ME1: variants seen among roughly 807,000 people sequenced by gnomAD.
ME1 encodes NADP-dependent malic enzyme.
Under a neutral mutation model 66.4 loss-of-function variants are expected in ME1, and 74 were observed. That is an observed-to-expected ratio of 1.11 (90% confidence interval 0.92 to 1.35). ME1 has a LOEUF of 1.35. Among genes scored for constraint, ME1 ranks in the 40% most tolerant of loss-of-function variants. ME1 has a pLI of 0.00. For missense variants in ME1, 750 were observed against 694.1 expected (o/e 1.08, Z -0.90); for synonymous variants, 251 against 235.6 (o/e 1.07, Z -0.60).
intron 6 of ME1, among the ~76,000 whole-genome samples, chr6:83,265,264 C>G (rs1201718449): frequency 6.6e-6 from 1 of 152,038 alleles, no homozygotes; most frequent in African/African-American, 2.4e-5. Flanking sequence ...TAGTATCCTA[C>G]AGTATAGTGT....
At chr6:83,300,610 C>CTTTTTTTTTTTTTTTTTTTTTTTTTT (rs35205380) in intron 6 of ME1, among the ~76,000 whole-genome samples, 2 of 84,990 alleles carry the variant, frequency 2.4e-5, no homozygotes, top group Admixed American at 1.5e-4. Context: ...TTCTTTCTTT[C>CTTTTTTTTTTTTTTTTTTTTTTTTTT]TTTTTTTTTT....
chr6:83,367,733 G>A (rs1346444610), intron 3 of ME1, among the ~76,000 whole-genome samples: 1 of 152,142 alleles, frequency 6.6e-6, no homozygotes, highest in Non-Finnish European at 1.5e-5. Flanking sequence ...TGGCTTAAAG[G>A]GAATGTTGTG....
intron 6 of ME1, 68 bp from the exon 7 acceptor site, chr6:83,253,806 T>C: frequency 1.3e-6 from 1 of 791,394 alleles, no homozygotes. Flanking sequence ...ACTTTTAAAA[T>C]TAGCCCATAG....
intron 3 of ME1, chr6:83,392,873 C>T (rs1769651353): frequency 2.6e-6 from 2 of 783,490 alleles, no homozygotes. Flanking sequence ...CCTCCTGCAC[C>T]ACCAGCTGCT....
intron 3 of ME1, among the ~76,000 whole-genome samples, chr6:83,373,317 C>G (rs767822788): frequency 6.6e-6 from 1 of 152,004 alleles, no homozygotes; most frequent in Non-Finnish European, 1.5e-5. Context: ...CTCACTGCAA[C>G]CCGTACCTCC....
rs1768921889 is a variant in ME1 at position 83,357,902 on chromosome 6, C to CTCT, written c.363-5764_363-5763insAGA. On this transcript the variant is annotated intron_variant, in intron 3 of 13. Transcript: ENST00000369705. ...TGTTAGTTAATACTTAATAAACTCCCCTCTCTCTCTCTCTCTCTCTCTCTC... is the reference window on the plus strand; with the variant it reads ...TGTTAGTTAATACTTAATAAACTCCCTCTCTCTCTCTCTCTCTCTCTCTCTCTC... 7.3e-4 allele frequency among the ~76,000 whole-genome samples: 23 copies of CTCT among 31,546 alleles called. 1 individual carries two copies. The highest frequency in any genetic ancestry group is 1.2e-3 in the East Asian group (1 of 804). The allele number at this position is 31,546 out of a possible 152,430, so 20.7% of individuals were successfully genotyped here.
intron 7 of ME1, among the ~76,000 whole-genome samples, chr6:83,249,266 G>A (rs1790679120): frequency 6.7e-6 from 1 of 150,110 alleles, no homozygotes; most frequent in Non-Finnish European, 1.5e-5. Context: ...TTTTTGAGAT[G>A]GAGTCTCACT....
At chr6:83,345,551 A>G (rs1160265838) in intron 5 of ME1, among the ~76,000 whole-genome samples, 1 of 152,306 alleles carries the variant, frequency 6.6e-6, no homozygotes, top group African/African-American at 2.4e-5. Context: ...TCTGTTTGGG[A>G]CCTAGGTCTG....
intron 7 of ME1, among the ~76,000 whole-genome samples, chr6:83,247,747 G>A (rs143260177): frequency 7.9e-5 from 12 of 152,202 alleles, no homozygotes; most frequent in East Asian, 1.9e-4. Context: ...ATAAGGGCAC[G>A]ATTTTGCATG....
At chr6:83,377,205 G>A (rs1227219105) in intron 3 of ME1, among the ~76,000 whole-genome samples, 1 of 152,198 alleles carries the variant, frequency 6.6e-6, no homozygotes, top group Non-Finnish European at 1.5e-5. Context: ...TGATGATTAT[G>A]ATGATGGGGT....
In ME1 at chr6:83,243,434, TATAATATATTATATAATTA is replaced by T. The variant is rs1790545764; in HGVS notation, c.815-3817_815-3799del. 3.9e-5 allele frequency among the ~76,000 whole-genome samples: 5 copies of T among 127,256 alleles called. No individual in the cohort carries two copies. In the South Asian group the frequency reaches 1.1e-3, roughly 28 times the overall value. 83.5% of individuals were successfully genotyped at this position (127,256 alleles called of 152,430 possible). On this transcript the variant is annotated intron_variant, in intron 7 of 13. Transcript: ENST00000369705. ...TAATTAGATTATATTTATATATTTA[TATAATATATTATATAATTA>T]GATTATATTTATATATTTATATAAT... is the stretch of plus-strand genomic sequence containing the variant.
chr6:83,270,851 T>C (rs1767070293), intron 6 of ME1, among the ~76,000 whole-genome samples: 1 of 152,106 alleles, frequency 6.6e-6, no homozygotes, highest in Non-Finnish European at 1.5e-5. Flanking sequence ...TCTAAGTTGT[T>C]CAACAGTTTA....
intron 6 of ME1, among the ~76,000 whole-genome samples, chr6:83,295,343 A>T (rs1398564295): frequency 6.6e-6 from 1 of 152,220 alleles, no homozygotes; most frequent in Non-Finnish European, 1.5e-5. Flanking sequence ...AACTTGAGCA[A>T]CTCAAATGGC....
intron 12 of ME1, 139 bp downstream of exon 12, chr6:83,223,621 T>C: frequency 1.4e-6 from 1 of 720,326 alleles, no homozygotes; most frequent in East Asian, 2.7e-5. Flanking sequence ...CCACCCCTTA[T>C]ACTCCACTGG....
intron 5 of ME1, among the ~76,000 whole-genome samples, chr6:83,328,491 C>A (rs997608881): frequency 2.0e-5 from 3 of 151,950 alleles, no homozygotes; most frequent in African/African-American, 7.3e-5. Flanking sequence ...ATAATAATGT[C>A]CCTGTTAAAA....
intron 6 of ME1, among the ~76,000 whole-genome samples, chr6:83,305,204 G>A (rs1583369343): frequency 1.3e-5 from 2 of 152,148 alleles, no homozygotes; most frequent in East Asian, 3.9e-4. Context: ...TATCTACTCT[G>A]TGCCAAGCAT....
rs141950684 is a variant in ME1, at chr6:83,294,722, C to T, written c.704+20588G>A. Among the ~76,000 whole-genome samples the T allele has an allele frequency of 5.3e-4, 81 of 152,250 alleles. 1 individual carries two copies. The East Asian group carries it at 0.014, about 27-fold the overall frequency. Reference sequence around the variant, plus strand: ...CCACATCTCCAGCAAGCTGCAGTTACCCCAAGGAGGGGAGGCCAATCTGTC... The same window carrying T: ...CCACATCTCCAGCAAGCTGCAGTTATCCCAAGGAGGGGAGGCCAATCTGTC... On this transcript the variant is annotated intron_variant, in intron 6 of 13. Coordinates refer to ENST00000369705, the MANE Select transcript of ME1 (RefSeq NM_002395.6).
At position 83,352,156 on chromosome 6, in the gene ME1, A is replaced by AG; in HGVS notation, c.363-18_363-17insC. 6.7e-7 allele frequency: 1 copy of AG among 1,502,716 alleles called. No individual in the cohort carries two copies. The highest frequency in any genetic ancestry group is 8.9e-7 in the Non-Finnish European group (1 of 1,125,586). The allele number at this position is 1,502,716 out of a possible 1,614,324, so 93.1% of individuals were successfully genotyped here. A position where few individuals can be genotyped will look rare whatever the true frequency, so the allele number is the denominator to read the frequency against. The stretch of plus-strand genomic sequence containing the variant: ...AAGAGACCTCTGCAGAAAAAAAAAA[A>AG]AAAAAAGGAGTAGTTTACATTTACT... On this transcript the variant is annotated splice_polypyrimidine_tract_variant and intron_variant, in intron 3 of 13. Coordinates refer to ENST00000369705, the MANE Select transcript of ME1 (RefSeq NM_002395.6).
intron 3 of ME1, among the ~76,000 whole-genome samples, chr6:83,394,381 C>T (rs972329429): frequency 1.3e-5 from 2 of 151,990 alleles, no homozygotes; most frequent in Non-Finnish European, 2.9e-5. Context: ...TTGATCTTTA[C>T]AAATTATATG....
Sources: gnomAD v4.1 joint callset for allele counts (sites outside exome capture counted in the v4.1 genomes callset) on GRCh38, gnomAD v4.1.1 for gene constraint, MANE v1.5 for transcripts, NCBI Gene and HGNC (gene_info 2026-07-23, HGNC 2026-07-21) for gene names.